BRIP1: variants seen among roughly 807,000 people sequenced by gnomAD.
The protein encoded by BRIP1 is Fanconi anemia group J protein.
BRIP1 carries 88 observed loss-of-function variants against 119.7 expected under a neutral mutation model. The observed-to-expected ratio is 0.74, with a 90% CI of 0.62 to 0.88. The LOEUF is 0.88. Ranked by LOEUF, BRIP1 falls within the 40% of genes least tolerant of loss-of-function variation. BRIP1 has a pLI of 0.00. For synonymous variants in BRIP1, 443 were observed against 496.5 expected (o/e 0.89, Z 1.43); for missense variants, 1,259 against 1,455.4 (o/e 0.87, Z 2.20).
intron 14 of BRIP1, among the ~76,000 whole-genome samples, chr17:61,750,534 T>C (rs573000852): frequency 6.6e-6 from 1 of 152,276 alleles, no homozygotes; most frequent in South Asian, 2.1e-4. Context: ...TAAAAAATTA[T>C]AAAACTTTTT....
chr17:61,821,161 AG>A (rs2078317508), intron 6 of BRIP1, among the ~76,000 whole-genome samples: 1 of 152,156 alleles, frequency 6.6e-6, no homozygotes, highest in Non-Finnish European at 1.5e-5. Flanking sequence ...CAGAAGCTGA[AG>A]GGAAGCTACA....
In BRIP1 at chr17:61,756,797, C is replaced by T. The variant is rs765539691; in HGVS notation, c.2098-12206G>A. 2.0e-5 allele frequency among the ~76,000 whole-genome samples: 3 copies of T among 152,168 alleles called. No homozygotes were observed. Among genetic ancestry groups the T allele is most frequent in the Non-Finnish European group, 4.4e-5 (3 of 68,026 alleles). ...TTAGAAAGTGCAAATTGCATTAAGACCTCTTTGCCCTCATTAGTGGTATTG... is the reference window on the plus strand; with the variant it reads ...TTAGAAAGTGCAAATTGCATTAAGATCTCTTTGCCCTCATTAGTGGTATTG... On this transcript the variant is annotated intron_variant, in intron 14 of 19. Coordinates refer to ENST00000259008, the MANE Select transcript of BRIP1 (RefSeq NM_032043.3). The surrounding 1 kb of genome is among the most constrained non-coding windows in gnomAD (Gnocchi z 4.3).
Position 61,762,502 on chromosome 17 carries a change from A to G in BRIP1, c.2097+13899T>C, listed in dbSNP as rs2077292477. Among the ~76,000 whole-genome samples, 1 of 152,146 alleles carries G rather than the reference A, an allele frequency of 6.6e-6. No homozygotes were observed. Among genetic ancestry groups the G allele is most frequent in the Non-Finnish European group, 1.5e-5 (1 of 68,006 alleles). Reference sequence around the variant, plus strand: ...AATAAGGAGTTAATGTCCAAAATATATAAGAAACTCAAACAACTCATTAGC... The same window carrying G: ...AATAAGGAGTTAATGTCCAAAATATGTAAGAAACTCAAACAACTCATTAGC... On this transcript the variant is annotated intron_variant, in intron 14 of 19. Coordinates refer to ENST00000259008, the MANE Select transcript of BRIP1 (RefSeq NM_032043.3). This position sits in a 1 kb window ranked among gnomAD's most constrained non-coding sequence, Gnocchi z 4.3.
chr17:61,689,356 C>T lies in BRIP1; in HGVS notation c.2576-3191G>A, dbSNP rs2061413061. Among the ~76,000 whole-genome samples, 1 of 151,342 alleles carries T rather than the reference C, an allele frequency of 6.6e-6. No homozygotes were observed. The highest frequency in any genetic ancestry group is 2.1e-4 in the South Asian group (1 of 4,798). The stretch of plus-strand genomic sequence containing the variant: ...GGCAAGTCGTTTGAAATCATCCAGT[C>T]AGGGAAGCAAAAAGTAAAAAACAAA... On this transcript the variant is annotated intron_variant, in intron 18 of 19. Transcript: ENST00000259008. The surrounding 1 kb of genome is among the most constrained non-coding windows in gnomAD (Gnocchi z 4.5).
rs1304323126 is a variant in BRIP1 at position 61,806,583 on chromosome 17, C to T, written c.918+1884G>A. Among the ~76,000 whole-genome samples the T allele has an allele frequency of 6.6e-6, 1 of 152,190 alleles. No homozygotes were observed. The highest frequency in any genetic ancestry group is 1.5e-5 in the Non-Finnish European group (1 of 68,036). On this transcript the variant is annotated intron_variant, in intron 7 of 19. Coordinates refer to ENST00000259008, the MANE Select transcript of BRIP1 (RefSeq NM_032043.3). This position sits in a 1 kb window ranked among gnomAD's most constrained non-coding sequence, Gnocchi z 4.9. ...ACTTATGAGTAAAGATCAATAAAAACGTAACCAGCACTGTAGGATTCTAGG... is the reference window on the plus strand; with the variant it reads ...ACTTATGAGTAAAGATCAATAAAAATGTAACCAGCACTGTAGGATTCTAGG...
At chr17:61,688,511 A>T (rs536682126) in intron 18 of BRIP1, among the ~76,000 whole-genome samples, 51 of 152,218 alleles carry the variant, frequency 3.4e-4, no homozygotes, top group African/African-American at 1.2e-3. Context: ...AATATTTCTA[A>T]TAAGGAATTT....
In BRIP1 at chr17:61,693,397, T is replaced by C. The variant is rs765597901; in HGVS notation, c.2575+33A>G. The C allele has an allele frequency of 5.8e-6, 9 of 1,547,320 alleles. No homozygotes were observed. The highest frequency in any genetic ancestry group is 8.0e-6 in the Non-Finnish European group (9 of 1,119,388). On this transcript the variant is annotated intron_variant, in intron 18 of 19. Coordinates refer to ENST00000259008, the MANE Select transcript of BRIP1 (RefSeq NM_032043.3). This position sits in a 1 kb window ranked among gnomAD's most constrained non-coding sequence, Gnocchi z 4.2. The stretch of plus-strand genomic sequence containing the variant: ...ACAATAAAAATATGAAGATTGTTAC[T>C]AGTTTTTACTCTAAGCCCAGCTGAG...
chr17:61,847,077 C>T, intron 6 of BRIP1, 24 bp downstream of exon 6: 1 of 1,613,204 alleles, frequency 6.2e-7, no homozygotes, highest in Non-Finnish European at 8.5e-7. Flanking sequence ...TTCTTTAAAA[C>T]TGAACAATGG....
In BRIP1 at chr17:61,687,330, A is replaced by G. The variant is rs1603277436; in HGVS notation, c.2576-1165T>C. Among the ~76,000 whole-genome samples, 1 of 152,246 alleles carries G rather than the reference A, an allele frequency of 6.6e-6. No homozygotes were observed. On this transcript the variant is annotated intron_variant, in intron 18 of 19. Transcript: ENST00000259008. The surrounding 1 kb of genome is among the most constrained non-coding windows in gnomAD (Gnocchi z 5.1). ...TTTATAATCAAAGAAAGCCTTTTCA[A>G]TGTAAAATATCATTGTCTGCTTTTG...
Position 61,686,295 on chromosome 17 carries a change from C to A in BRIP1, c.2576-130G>T. ...ATTTTGAATATACAGAATGGTTCTC[C>A]ATATGTTTTTTCTGCAATTCAGCAA... On this transcript the variant is annotated intron_variant, in intron 18 of 19. Transcript: ENST00000259008. This position sits in a 1 kb window ranked among gnomAD's most constrained non-coding sequence, Gnocchi z 5.4. 1 of 863,950 alleles carries A rather than the reference C, an allele frequency of 1.2e-6. No individual in the cohort carries two copies. The highest frequency in any genetic ancestry group is 1.5e-5 in the South Asian group (1 of 67,536). The allele number at this position is 863,950 out of a possible 1,614,324, so 53.5% of individuals were successfully genotyped here.
At chr17:61,847,358 G>T (rs1201043343) in intron 5 of BRIP1, 138 bp from the exon 6 acceptor site, 1 of 942,242 alleles carries the variant, frequency 1.1e-6, no homozygotes, top group African/African-American at 1.7e-5. Flanking sequence ...AATAATAAAA[G>T]AAATTTTAAA....
At position 61,774,445 on chromosome 17, in the gene BRIP1, G is replaced by C. The variant is rs1367707769; in HGVS notation, c.2097+1956C>G. Among the ~76,000 whole-genome samples, 1 of 152,144 alleles carries C rather than the reference G, an allele frequency of 6.6e-6. No individual in the cohort carries two copies. Among genetic ancestry groups the C allele is most frequent in the East Asian group, 1.9e-4 (1 of 5,196 alleles). ...CACTGGGGCCTGTTCTGGGGTGGGG[G>C]CCTAGGGGAGGGATAGCATTAGGAG... On this transcript the variant is annotated intron_variant, in intron 14 of 19. Transcript: ENST00000259008. The surrounding 1 kb of genome is among the most constrained non-coding windows in gnomAD (Gnocchi z 5.8).
In BRIP1 at chr17:61,832,542, G is replaced by C. The variant is rs2078509563; in HGVS notation, c.627+14559C>G. Among the ~76,000 whole-genome samples the C allele has an allele frequency of 6.6e-6, 1 of 152,112 alleles. No homozygotes were observed. Among genetic ancestry groups the C allele is most frequent in the Non-Finnish European group, 1.5e-5 (1 of 68,002 alleles). ...CCTTATAAGATGCAATGAGCAGAAG[G>C]CATCACTTCTGTGACATTCCTGCCA... On this transcript the variant is annotated intron_variant, in intron 6 of 19. Coordinates refer to ENST00000259008, the MANE Select transcript of BRIP1 (RefSeq NM_032043.3). This position sits in a 1 kb window ranked among gnomAD's most constrained non-coding sequence, Gnocchi z 5.5.
rs2078985647 is a variant in BRIP1, at chr17:61,862,485, T to C, written c.-31+799A>G. Among the ~76,000 whole-genome samples the C allele has an allele frequency of 6.6e-6, 1 of 152,230 alleles. No individual in the cohort carries two copies. The highest frequency in any genetic ancestry group is 2.4e-5 in the African/African-American group (1 of 41,462). On this transcript the variant is annotated intron_variant, in intron 1 of 19. Transcript: ENST00000259008. The surrounding 1 kb of genome is among the most constrained non-coding windows in gnomAD (Gnocchi z 5.3). ...TACCTAACCCAGGATCTGATACAGA[T>C]GAGGATCACTTTAATCCTCACCTCT...
rs2061263063 is a variant in BRIP1 at position 61,681,037 on chromosome 17, A to AG, written c.*2258_*2259insC. ...TTTCACAGGGCAGCAGGAGAGAAGA[A>AG]TGAGAGTGAAGCAGGGAAAAGCTCC... On this transcript the variant is annotated 3_prime_UTR_variant, in exon 20 of 20. Transcript: ENST00000259008. The surrounding 1 kb of genome is among the most constrained non-coding windows in gnomAD (Gnocchi z 5.1). Among the ~76,000 whole-genome samples, 2 of 152,296 alleles carry AG rather than the reference A, an allele frequency of 1.3e-5. No individual in the cohort carries two copies. Among genetic ancestry groups the AG allele is most frequent in the South Asian group, 4.2e-4 (2 of 4,818 alleles).
At chr17:61,784,944 T>TA (rs1000098886) in intron 10 of BRIP1, among the ~76,000 whole-genome samples, 5 of 152,168 alleles carry the variant, frequency 3.3e-5, no homozygotes, top group African/African-American at 7.2e-5. Context: ...TTTATAGTGA[T>TA]ACAAACAAAG....
chr17:61,833,838 C>G (rs959025098), intron 6 of BRIP1, among the ~76,000 whole-genome samples: 1 of 152,074 alleles, frequency 6.6e-6, no homozygotes, highest in Non-Finnish European at 1.5e-5. Context: ...TAGTATAGAA[C>G]GGGCTGGCAA....
Position 61,742,873 on chromosome 17 carries a change from A to G in BRIP1, c.2379+140T>C, listed in dbSNP as rs2077003858. The G allele has an allele frequency of 2.8e-6, 3 of 1,067,082 alleles. No homozygotes were observed. The highest frequency in any genetic ancestry group is 4.2e-6 in the Non-Finnish European group (3 of 715,092). The allele number at this position is 1,067,082 out of a possible 1,614,324, so 66.1% of individuals were successfully genotyped here. A position where few individuals can be genotyped will look rare whatever the true frequency, so the allele number is the denominator to read the frequency against. On this transcript the variant is annotated intron_variant, in intron 16 of 19. Coordinates refer to ENST00000259008, the MANE Select transcript of BRIP1 (RefSeq NM_032043.3). This position sits in a 1 kb window ranked among gnomAD's most constrained non-coding sequence, Gnocchi z 4.7. The stretch of plus-strand genomic sequence containing the variant: ...AAAATGGTGCTGAAAGACTTGCACA[A>G]TGCAGGGTTACCATAAACCTTCAAT...
chr17:61,819,705 T>G (rs1329587243), intron 6 of BRIP1, among the ~76,000 whole-genome samples: 1 of 151,220 alleles, frequency 6.6e-6, no homozygotes, highest in African/African-American at 2.4e-5. Context: ...AGAGAGAGAG[T>G]AGAAGGGTGG....
Sources: gnomAD v4.1 joint callset for allele counts (sites outside exome capture counted in the v4.1 genomes callset) on GRCh38, gnomAD v4.1.1 for gene constraint, Gnocchi (gnomAD v3.1) non-coding constraint, MANE v1.5 for transcripts, NCBI Gene and HGNC (gene_info 2026-07-23, HGNC 2026-07-21) for gene names.